The following ADGRL2 variants were observed in gnomAD, a reference collection of about 807,000 sequenced individuals.
ADGRL2 encodes adhesion G protein-coupled receptor L2, also known as calcium-independent alpha-latrotoxin receptor 2.
Under a neutral mutation model 157.4 loss-of-function variants are expected in ADGRL2, and 44 were observed. That is an observed-to-expected ratio of 0.28 (90% confidence interval 0.22 to 0.36). The LOEUF is 0.36. Ranked by LOEUF, ADGRL2 falls within the 10% of genes least tolerant of loss-of-function variation. The probability of loss-of-function intolerance (pLI) is 1.00; values close to 1 mark genes in which losing one functional copy is unlikely to be tolerated. For missense variants in ADGRL2, 1,510 were observed against 1,768.9 expected (o/e 0.85, Z 2.63); for synonymous variants, 585 against 624.7 (o/e 0.94, Z 0.95).
At chr1:81,732,890 A>C (rs2084772112) in intron 1 of ADGRL2, among the ~76,000 whole-genome samples, 1 of 152,180 alleles carries the variant, frequency 6.6e-6, no homozygotes, top group Non-Finnish European at 1.5e-5. Context: ...AAAAAGAAAG[A>C]CCATAACAAA....
chr1:81,656,357 G>T (rs1023336677), intron 3 of ADGRL2, among the ~76,000 whole-genome samples: 1 of 152,156 alleles, frequency 6.6e-6, no homozygotes, highest in Non-Finnish European at 1.5e-5. Context: ...AGTTCATATA[G>T]GTCATGAGTG....
At chr1:81,328,330 T>G (rs947600067) in intron 1 of ADGRL2, among the ~76,000 whole-genome samples, 2 of 152,142 alleles carry the variant, frequency 1.3e-5, no homozygotes, top group African/African-American at 4.8e-5. Flanking sequence ...GTTTAAGATC[T>G]TCCTTGACAC....
chr1:81,380,815 G>A lies in ADGRL2; in HGVS notation c.-301-64221G>A, dbSNP rs1258695548. On this transcript the variant is annotated intron_variant, in intron 1 of 24. Coordinates refer to the ADGRL2 transcript ENST00000370721. ...GTGGTAGTGGTTTCAAATTTACTTT[G>A]ATAATCTTAACTGTTTATTCTTTTT... Among the ~76,000 whole-genome samples the A allele has an allele frequency of 2.0e-5, 3 of 151,726 alleles. No homozygotes were observed. In the East Asian group the frequency reaches 5.8e-4, roughly 29 times the overall value.
chr1:81,977,334 AG>A (rs1660444821), intron 17 of ADGRL2, among the ~76,000 whole-genome samples: 1 of 151,864 alleles, frequency 6.6e-6, no homozygotes, highest in Non-Finnish European at 1.5e-5. Context: ...GGGGAGCAAA[AG>A]AGGAGAAATG....
chr1:81,727,812 A>AAT (rs139067507), intron 1 of ADGRL2, among the ~76,000 whole-genome samples: 26,997 of 149,866 alleles, frequency 0.18, 2,585 homozygotes, highest in Admixed American at 0.29. Context: ...GTGTGAATAA[A>AAT]ATATATATAT....
intron 2 of ADGRL2, among the ~76,000 whole-genome samples, chr1:81,551,991 C>T (rs927603486): frequency 5.3e-5 from 8 of 152,130 alleles, no homozygotes; most frequent in African/African-American, 1.9e-4. Flanking sequence ...AGTTTTTGTT[C>T]TCATCTTCCA....
At chr1:81,879,585 G>T (rs886892175) in intron 2 of ADGRL2, among the ~76,000 whole-genome samples, 3 of 147,964 alleles carry the variant, frequency 2.0e-5, no homozygotes, top group Non-Finnish European at 4.5e-5. Flanking sequence ...GAGAAAGAAA[G>T]AAGTTTTTAT....
At chr1:81,514,628 A>AT (rs2079140944) in intron 2 of ADGRL2, 1 of 152,216 alleles carries the variant, frequency 6.6e-6, no homozygotes, top group Admixed American at 6.5e-5. Flanking sequence ...AGACTCACGT[A>AT]CAGTTGTATC....
At position 81,978,278 on chromosome 1, in the gene ADGRL2, A is replaced by T. The variant is rs1306497041; in HGVS notation, c.3022-1591A>T. Among the ~76,000 whole-genome samples, 5 of 151,890 alleles carry T rather than the reference A, an allele frequency of 3.3e-5. No homozygotes were observed. In the East Asian group the frequency reaches 7.7e-4, roughly 23 times the overall value. On this transcript the variant is annotated intron_variant, in intron 17 of 23. Transcript: ENST00000686636. The stretch of plus-strand genomic sequence containing the variant: ...GAACAAGGTCAATAAATATTTGTTG[A>T]ATGAAATGTATCATATTGTAACATC...
intron 1 of ADGRL2, among the ~76,000 whole-genome samples, chr1:81,729,044 T>C (rs1051427981): frequency 2.0e-5 from 3 of 151,840 alleles, no homozygotes; most frequent in Admixed American, 2.0e-4. Flanking sequence ...TGTCACAATG[T>C]GCCTGCACTT....
chr1:81,944,222 C>A (rs1181995338), intron 6 of ADGRL2, among the ~76,000 whole-genome samples: 1 of 152,024 alleles, frequency 6.6e-6, no homozygotes, highest in East Asian at 1.9e-4. Flanking sequence ...GGTGTCTGTT[C>A]TCTCAGTAGG....
intron 1 of ADGRL2, chr1:81,721,672 T>C (rs2084326206): frequency 2.7e-6 from 3 of 1,102,218 alleles, no homozygotes; most frequent in South Asian, 2.5e-5. Context: ...GCTCTTCAGC[T>C]TCGCCCACTG....
intron 3 of ADGRL2, among the ~76,000 whole-genome samples, chr1:81,670,002 C>G (rs2082840441): frequency 6.8e-6 from 1 of 147,006 alleles, no homozygotes; most frequent in African/African-American, 2.5e-5. Context: ...CCCATTTAAA[C>G]TGAGACCTGG....
chr1:81,650,995 T>C (rs567329131), intron 3 of ADGRL2, among the ~76,000 whole-genome samples: 1 of 152,328 alleles, frequency 6.6e-6, no homozygotes, highest in South Asian at 2.1e-4. Context: ...AGAAGGAAAA[T>C]ACTGACAGTG....
intron 1 of ADGRL2, among the ~76,000 whole-genome samples, chr1:81,310,356 G>A (rs576166424): frequency 6.6e-6 from 1 of 152,134 alleles, no homozygotes; most frequent in Non-Finnish European, 1.5e-5. Context: ...TATTACGCAT[G>A]TAACTCATAG....
chr1:81,773,811 T>C (rs781049696), intron 2 of ADGRL2, among the ~76,000 whole-genome samples: 11 of 152,218 alleles, frequency 7.2e-5, no homozygotes, highest in Non-Finnish European at 1.5e-4. Flanking sequence ...AATTCATGTG[T>C]TGCTGTCCTA....
intron 1 of ADGRL2, chr1:81,722,380 T>C (rs2084361874): frequency 2.6e-6 from 2 of 771,680 alleles, no homozygotes; most frequent in Admixed American, 1.7e-5. Flanking sequence ...TAAATGATGG[T>C]GAACTGCAGA....
rs1309858936 is a variant in ADGRL2, at chr1:81,933,053, G to C, written c.288-3675G>C. Among the ~76,000 whole-genome samples the C allele has an allele frequency of 2.6e-5, 4 of 152,104 alleles. No individual in the cohort carries two copies. The South Asian group carries it at 8.3e-4, about 32-fold the overall frequency. ...CAGCTGATAGTGGTGCTGTTGGTAT[G>C]AGGACCACATTTTGGAAACTACTGC... On this transcript the variant is annotated intron_variant, in intron 3 of 23. Coordinates refer to ENST00000686636, the MANE Select transcript of ADGRL2 (RefSeq NM_001366006.2).
At chr1:81,848,044 TC>T (rs1294102253) in intron 2 of ADGRL2, among the ~76,000 whole-genome samples, 2 of 151,822 alleles carry the variant, frequency 1.3e-5, no homozygotes, top group African/African-American at 4.8e-5. Flanking sequence ...TAGTGATTTT[TC>T]CACTTTTTAG....
Sources: gnomAD v4.1 joint callset for allele counts (sites outside exome capture counted in the v4.1 genomes callset) on GRCh38, gnomAD v4.1.1 for gene constraint, MANE v1.5 for transcripts, NCBI Gene and HGNC (gene_info 2026-07-23, HGNC 2026-07-21) for gene names.